The following GPC6 variants were observed in gnomAD, a reference collection of about 807,000 sequenced individuals.
GPC6 encodes glypican 6.
Under a neutral mutation model 55.2 loss-of-function variants are expected in GPC6, and 14 were observed. The observed-to-expected ratio is 0.25, with a 90% CI of 0.17 to 0.40. GPC6 has a LOEUF of 0.40. Ranked by LOEUF, GPC6 falls within the 10% of genes least tolerant of loss-of-function variation. The probability of loss-of-function intolerance (pLI) is 1.00; values close to 1 mark genes in which losing one functional copy is unlikely to be tolerated. For missense variants in GPC6, 641 were observed against 708.5 expected (o/e 0.90, Z 1.08); for synonymous variants, 278 against 259.6 (o/e 1.07, Z -0.68).
chr13:93,965,107 T>TTTG (rs1879975897), intron 3 of GPC6, among the ~76,000 whole-genome samples: 8 of 12,076 alleles, frequency 6.6e-4, no homozygotes, highest in Admixed American at 4.8e-3. Flanking sequence ...TATGAGTTTG[T>TTTG]TTTTTTTTTT....
intron 4 of GPC6, among the ~76,000 whole-genome samples, chr13:94,143,990 C>T (rs1400219325): frequency 1.3e-5 from 2 of 152,164 alleles, no homozygotes; most frequent in African/African-American, 4.8e-5. Context: ...GCTTTATAGG[C>T]GCATATTTTG....
At chr13:93,343,704 G>A (rs1880339110) in intron 1 of GPC6, among the ~76,000 whole-genome samples, 1 of 152,092 alleles carries the variant, frequency 6.6e-6, no homozygotes, top group African/African-American at 2.4e-5. Context: ...CTTAGTCTCT[G>A]AGAAGACCTC....
chr13:93,971,776 A>AAATAAGAAAGGCC (rs1880293171), intron 3 of GPC6, among the ~76,000 whole-genome samples: 1 of 152,338 alleles, frequency 6.6e-6, no homozygotes, highest in African/African-American at 2.4e-5. Flanking sequence ...GAGAAGCTAG[A>AAATAAGAAAGGCC]AATAAGAAAG....
intron 1 of GPC6, among the ~76,000 whole-genome samples, chr13:93,451,650 T>C (rs2139302168): frequency 6.6e-6 from 1 of 152,330 alleles, no homozygotes; most frequent in African/African-American, 2.4e-5. Context: ...ATGCCTAACA[T>C]TTATGCTAAC....
intron 6 of GPC6, among the ~76,000 whole-genome samples, chr13:94,342,856 G>C (rs1878113492): frequency 6.6e-6 from 1 of 151,958 alleles, no homozygotes; most frequent in Non-Finnish European, 1.5e-5. Context: ...CCAGCTCCCC[G>C]TTCAATACTT....
At chr13:93,286,435 T>G (rs1300415959) in intron 1 of GPC6, among the ~76,000 whole-genome samples, 1 of 152,146 alleles carries the variant, frequency 6.6e-6, no homozygotes, top group Non-Finnish European at 1.5e-5. Flanking sequence ...CAATGTAATT[T>G]GAGGCAGAAC....
intron 3 of GPC6, among the ~76,000 whole-genome samples, chr13:93,945,541 G>A (rs774841914): frequency 2.0e-4 from 31 of 152,304 alleles, no homozygotes; most frequent in Admixed American, 3.9e-4. Context: ...ATTGGAGAGT[G>A]TATTTTGGCT....
At chr13:93,257,667 C>T (rs1188091386) in intron 1 of GPC6, among the ~76,000 whole-genome samples, 1 of 152,146 alleles carries the variant, frequency 6.6e-6, no homozygotes, top group Non-Finnish European at 1.5e-5. Flanking sequence ...CCACATTTTA[C>T]AGATGAGGAA....
At chr13:93,420,153 T>C (rs561967204) in intron 1 of GPC6, among the ~76,000 whole-genome samples, 1 of 152,296 alleles carries the variant, frequency 6.6e-6, no homozygotes, top group African/African-American at 2.4e-5. Flanking sequence ...GCACCAACAA[T>C]GTTGTCAAAC....
intron 1 of GPC6, among the ~76,000 whole-genome samples, chr13:93,533,077 G>A (rs2139415840): frequency 1.3e-5 from 2 of 152,294 alleles, no homozygotes; most frequent in South Asian, 4.1e-4. Flanking sequence ...CTAAACAAGA[G>A]CAGCCCTGAG....
intron 3 of GPC6, among the ~76,000 whole-genome samples, chr13:93,992,171 ATG>A (rs1298016487): frequency 2.8e-5 from 4 of 144,826 alleles, no homozygotes; most frequent in Non-Finnish European, 6.1e-5. Context: ...TTACAGAGAT[ATG>A]TGTGTATATA....
chr13:93,834,979 A>G (rs1448875485), intron 3 of GPC6, among the ~76,000 whole-genome samples: 1 of 152,202 alleles, frequency 6.6e-6, no homozygotes, highest in Non-Finnish European at 1.5e-5. Flanking sequence ...AAACATGGAT[A>G]CCAGCCGTCA....
intron 1 of GPC6, among the ~76,000 whole-genome samples, chr13:93,483,442 T>C (rs1175309417): frequency 6.6e-6 from 1 of 152,152 alleles, no homozygotes; most frequent in Non-Finnish European, 1.5e-5. Context: ...AGTTATTATA[T>C]AGAAATTAGA....
intron 3 of GPC6, among the ~76,000 whole-genome samples, chr13:93,953,702 GA>G (rs1385397284): frequency 6.6e-6 from 1 of 152,130 alleles, no homozygotes; most frequent in Non-Finnish European, 1.5e-5. Context: ...ACCTTGGCCA[GA>G]CCGTATGTAT....
chr13:93,796,379 A>G (rs913969468), intron 2 of GPC6, among the ~76,000 whole-genome samples: 1 of 152,120 alleles, frequency 6.6e-6, no homozygotes, highest in African/African-American at 2.4e-5. Flanking sequence ...TAGAGAGTGG[A>G]CTTTTTTTTA....
rs1046372450 is a variant in GPC6 at position 93,941,371 on chromosome 13, G to T, written c.712-86358G>T. ...TGACTGATAATGTGAGTTGATCTAT[G>T]ATATCCCTTATAACTCAAAAATTCA... is the stretch of plus-strand genomic sequence containing the variant. On this transcript the variant is annotated intron_variant, in intron 3 of 8. Coordinates refer to ENST00000377047, the MANE Select transcript of GPC6 (RefSeq NM_005708.5). 3.9e-5 allele frequency among the ~76,000 whole-genome samples: 6 copies of T among 152,116 alleles called. No homozygotes were observed. The South Asian group carries it at 1.2e-3, about 31-fold the overall frequency.
intron 1 of GPC6, among the ~76,000 whole-genome samples, chr13:93,455,635 CATT>C (rs1489949353): frequency 5.3e-5 from 8 of 151,930 alleles, no homozygotes; most frequent in African/African-American, 1.9e-4. Context: ...AAATGATAGT[CATT>C]ATCTAAAAAG....
intron 1 of GPC6, among the ~76,000 whole-genome samples, chr13:93,534,440 G>A (rs1881978606): frequency 1.3e-5 from 2 of 152,152 alleles, no homozygotes; most frequent in African/African-American, 4.8e-5. Flanking sequence ...CAAGGTCCCT[G>A]AGTGTCACTT....
At chr13:94,247,980 G>T (rs978648048) in intron 4 of GPC6, among the ~76,000 whole-genome samples, 1 of 151,988 alleles carries the variant, frequency 6.6e-6, no homozygotes, top group African/African-American at 2.4e-5. Flanking sequence ...GAGGCTACAG[G>T]TACATGCCAC....
Sources: allele counts gnomAD v4.1 joint callset (sites outside exome capture counted in the v4.1 genomes callset), GRCh38; gene constraint gnomAD v4.1.1; transcripts MANE v1.5; gene names NCBI Gene and HGNC (gene_info 2026-07-23, HGNC 2026-07-21).